The following FOXO1 variants were observed in gnomAD, a reference collection of about 807,000 sequenced individuals.
FOXO1 encodes forkhead box O1.
A neutral mutation model predicts 44.1 loss-of-function variants in FOXO1; 6 were observed. That is an observed-to-expected ratio of 0.14 (90% confidence interval 0.07 to 0.27). FOXO1 has a LOEUF of 0.27. FOXO1 is among the 10% of genes least tolerant of loss of function. The pLI, the probability that FOXO1 is intolerant of heterozygous loss-of-function variation, is 1.00. For missense variants in FOXO1, 737 were observed against 888.8 expected, an observed-to-expected ratio of 0.83 and a Z score of 2.17; for synonymous variants, 380 against 362.7, an observed-to-expected ratio of 1.05 and a Z score of -0.54.
Position 40,619,799 on chromosome 13 carries a change from G to A in FOXO1, c.630+45784C>T, listed in dbSNP as rs1386034028. On this transcript the variant is annotated intron_variant, in intron 1 of 2. Coordinates refer to ENST00000379561, the MANE Select transcript of FOXO1 (RefSeq NM_002015.4). ...GGCATTCCCAGAGCTAGTGCTTCAC[G>A]CACTAATTTCAGTAGTCACACAAAC... The A allele has an allele frequency of 5.3e-5, 41 of 780,342 alleles. No homozygotes were observed. In the East Asian group the frequency reaches 8.9e-4, roughly 17 times the overall value. The allele number at this position is 780,342 out of a possible 1,614,324, so 48.3% of individuals were successfully genotyped here. A position where few individuals can be genotyped will look rare whatever the true frequency, so the allele number is the denominator to read the frequency against.
chr13:40,635,679 C>G (rs540578567), intron 1 of FOXO1, among the ~76,000 whole-genome samples: 4 of 152,312 alleles, frequency 2.6e-5, no homozygotes, highest in African/African-American at 7.2e-5. Flanking sequence ...AATTTCTCAC[C>G]TCTAATCACT....
At chr13:40,637,199 T>C (rs1197313203) in intron 1 of FOXO1, among the ~76,000 whole-genome samples, 1 of 152,060 alleles carries the variant, frequency 6.6e-6, no homozygotes, top group Non-Finnish European at 1.5e-5. Context: ...ATCTCAGCAC[T>C]TTGGGAGTGC....
intron 1 of FOXO1, among the ~76,000 whole-genome samples, chr13:40,644,984 G>T (rs1877465428): frequency 6.6e-6 from 1 of 152,170 alleles, no homozygotes; most frequent in African/African-American, 2.4e-5. Context: ...CCAGACTACT[G>T]CTGGCGACAG....
rs202080174 is a variant in FOXO1 at position 40,643,391 on chromosome 13, C to T, written c.630+22192G>A. Among the ~76,000 whole-genome samples the T allele has an allele frequency of 6.0e-5, 9 of 151,252 alleles. No individual in the cohort carries two copies. In the East Asian group the frequency reaches 1.7e-3, roughly 29 times the overall value. On this transcript the variant is annotated intron_variant, in intron 1 of 2. Transcript: ENST00000379561. ...AAAGAAGATACATATGTATAACTTA[C>T]CCGTATTTATACACTCCAAATACAA...
chr13:40,566,379 A>T lies in FOXO1; in HGVS notation c.631-5519T>A, dbSNP rs9577067. On this transcript the variant is annotated intron_variant, in intron 1 of 2. Coordinates refer to ENST00000379561, the MANE Select transcript of FOXO1 (RefSeq NM_002015.4). ...ATCTTTACAACTTTCATTGACTTTCATTTTTTTTTTTTTTTTAAAGACAGA... is the reference window on the plus strand; with the variant it reads ...ATCTTTACAACTTTCATTGACTTTCTTTTTTTTTTTTTTTTTAAAGACAGA... 1.2e-3 allele frequency among the ~76,000 whole-genome samples: 169 copies of T among 142,182 alleles called. 4 individuals carry two copies. The East Asian group carries it at 0.021, about 17-fold the overall frequency. 93.3% of individuals were successfully genotyped at this position (142,182 alleles called of 152,430 possible). A position where few individuals can be genotyped will look rare whatever the true frequency, so the allele number is the denominator to read the frequency against.
chr13:40,635,433 T>C (rs1877115701), intron 1 of FOXO1, among the ~76,000 whole-genome samples: 1 of 152,304 alleles, frequency 6.6e-6, no homozygotes, highest in South Asian at 2.1e-4. Context: ...AAGGACTTAA[T>C]TTCCAGTTTA....
chr13:40,640,716 C>A (rs1877319066), intron 1 of FOXO1, among the ~76,000 whole-genome samples: 1 of 152,314 alleles, frequency 6.6e-6, no homozygotes, highest in Non-Finnish European at 1.5e-5. Context: ...ACCCCAAGAA[C>A]AAAGTATTTT....
chr13:40,619,572 T>C (rs1401335370), intron 1 of FOXO1: 18 of 1,436,518 alleles, frequency 1.3e-5, no homozygotes, highest in South Asian at 1.1e-4. Context: ...CACTTTCAGA[T>C]AGTAACAGAG....
chr13:40,577,381 T>C (rs1026507851), intron 1 of FOXO1, among the ~76,000 whole-genome samples: 3 of 152,214 alleles, frequency 2.0e-5, no homozygotes, highest in African/African-American at 7.2e-5. Context: ...AACTGCTTCC[T>C]TTCCTTCCTG....
chr13:40,610,610 A>G (rs1475881859), intron 1 of FOXO1, among the ~76,000 whole-genome samples: 1 of 152,194 alleles, frequency 6.6e-6, no homozygotes, highest in Non-Finnish European at 1.5e-5. Context: ...CACTTAACTG[A>G]GGCTGTTTTT....
intron 1 of FOXO1, among the ~76,000 whole-genome samples, chr13:40,632,946 C>G (rs1224064184): frequency 6.7e-6 from 1 of 149,534 alleles, no homozygotes; most frequent in South Asian, 2.1e-4. Flanking sequence ...AAAAAAAGGG[C>G]GAAGGATCTG....
At chr13:40,592,953 T>C (rs966672160) in intron 1 of FOXO1, among the ~76,000 whole-genome samples, 5 of 152,226 alleles carry the variant, frequency 3.3e-5, no homozygotes, top group Non-Finnish European at 7.3e-5. Context: ...ATAATAATTA[T>C]GTTTATAACA....
chr13:40,583,136 T>C (rs974237848), intron 1 of FOXO1, among the ~76,000 whole-genome samples: 16 of 152,256 alleles, frequency 1.1e-4, no homozygotes, highest in African/African-American at 3.9e-4. Flanking sequence ...TACATTATCA[T>C]TGAGCAGTTT....
chr13:40,632,202 C>G (rs948861893), intron 1 of FOXO1, among the ~76,000 whole-genome samples: 1 of 152,086 alleles, frequency 6.6e-6, no homozygotes, highest in African/African-American at 2.4e-5. Context: ...ACCTGGGAGG[C>G]AGAGGTAGCA....
chr13:40,639,934 A>G (rs939011759), intron 1 of FOXO1, among the ~76,000 whole-genome samples: 4 of 152,240 alleles, frequency 2.6e-5, no homozygotes, highest in Admixed American at 1.3e-4. Flanking sequence ...CCTCACGACA[A>G]TCTTAGCAAG....
chr13:40,608,528 C>G (rs1186620950), intron 1 of FOXO1, among the ~76,000 whole-genome samples: 1 of 152,240 alleles, frequency 6.6e-6, no homozygotes, highest in African/African-American at 2.4e-5. Flanking sequence ...CAAAAGCTAA[C>G]TGATACAATG....
At chr13:40,638,983 C>CA (rs1173438309) in intron 1 of FOXO1, among the ~76,000 whole-genome samples, 1 of 152,148 alleles carries the variant, frequency 6.6e-6, no homozygotes, top group Non-Finnish European at 1.5e-5. Context: ...CACCTGACGT[C>CA]AGGAGTTCGA....
rs1566079585 is a variant in FOXO1 at position 40,628,391 on chromosome 13, C to CACACA, written c.630+37191_630+37192insTGTGT. On this transcript the variant is annotated intron_variant, in intron 1 of 2. Coordinates refer to ENST00000379561, the MANE Select transcript of FOXO1 (RefSeq NM_002015.4). ...CACACACACACACACACACACACAC[C>CACACA]CCGTGAGGGTTTCAGTCTTCCCGGG... 7.7e-4 allele frequency among the ~76,000 whole-genome samples: 92 copies of CACACA among 120,030 alleles called. 1 individual carries two copies. In the South Asian group the frequency reaches 0.022, roughly 29 times the overall value. The allele number at this position is 120,030 out of a possible 152,430, so 78.7% of individuals were successfully genotyped here.
At position 40,558,929 on chromosome 13, in the gene FOXO1, T is replaced by G. The variant is rs910942618; in HGVS notation, c.*120A>C. ...AAAAAAGGAGGGTTTTTTTTTTTGT[T>G]TTTTTTTTTAACCAAGAAAACTAAA... On this transcript the variant is annotated 3_prime_UTR_variant, in exon 3 of 3. Transcript: ENST00000379561. 3.8e-5 allele frequency: 15 copies of G among 396,790 alleles called. No homozygotes were observed. Among genetic ancestry groups the G allele is most frequent in the Non-Finnish European group, 5.3e-5 (12 of 225,232 alleles). The allele number at this position is 396,790 out of a possible 1,614,324, so 24.6% of individuals were successfully genotyped here.
Sources: allele counts gnomAD v4.1 joint callset (sites outside exome capture counted in the v4.1 genomes callset), GRCh38; gene constraint gnomAD v4.1.1; transcripts MANE v1.5; gene names NCBI Gene and HGNC (gene_info 2026-07-23, HGNC 2026-07-21).